Variants in KIAA1958 observed in about 807,000 individuals in gnomAD.
The protein encoded by KIAA1958 is KIAA1958, also known as uncharacterized protein KIAA1958.
Under a neutral mutation model 47.2 loss-of-function variants are expected in KIAA1958, and 14 were observed. The ratio of observed to expected loss-of-function variants is 0.30; its 90% CI spans 0.20 to 0.46. The LOEUF is 0.46. Among genes scored for constraint, KIAA1958 ranks in the 20% least tolerant of loss-of-function variants. KIAA1958 has a pLI of 1.00. For missense variants in KIAA1958, 803 were observed against 909.2 expected, an observed-to-expected ratio of 0.88 and a Z score of 1.50; for synonymous variants, 354 against 353.3, an observed-to-expected ratio of 1.00 and a Z score of -0.02.
Position 112,574,554 on chromosome 9 carries a change from T to G in KIAA1958, c.474T>G (p.Ser158Arg), listed in dbSNP as rs746362297. The change falls in exon 2 of 4, where the codon AGT becomes AGG. Residue 158 changes from serine (S) to arginine (R), a missense_variant. Ser to Arg is a moderately radical substitution (Grantham distance 110). This residue lies in a region of KIAA1958 where 761 missense variants were observed against 829.3 expected (regional missense o/e 0.92). Coordinates refer to ENST00000337530, the MANE Select transcript of KIAA1958 (RefSeq NM_133465.4). ...VCESSVTDED[S>R]DFEPQTQRPQ... ...AGTCTTCTGTTACAGATGAGGATAG[T>G]GACTTTGAACCCCAAACCCAAAGGC... 1.9e-6 allele frequency: 3 copies of G among 1,614,140 alleles called. No individual in the cohort carries two copies. The highest frequency in any genetic ancestry group is 2.5e-6 in the Non-Finnish European group (3 of 1,180,008).
At chr9:112,494,285 C>T (rs567112353) in intron 1 of KIAA1958, among the ~76,000 whole-genome samples, 1 of 151,986 alleles carries the variant, frequency 6.6e-6, no homozygotes, top group South Asian at 2.1e-4. Flanking sequence ...TTCATATTTT[C>T]ATCAATTATA....
At chr9:112,506,742 A>G (rs1834242102) in intron 1 of KIAA1958, among the ~76,000 whole-genome samples, 2 of 151,854 alleles carry the variant, frequency 1.3e-5, no homozygotes, top group Admixed American at 1.3e-4. Context: ...GGATAAATGC[A>G]GATAGAGTCT....
rs144623729 is a variant in KIAA1958, at chr9:112,509,356, A to G, written c.-25+22238A>G. On this transcript the variant is annotated intron_variant, in intron 1 of 3. Coordinates refer to ENST00000337530, the MANE Select transcript of KIAA1958 (RefSeq NM_133465.4). ...GCTGGGATTACAGGTGTGTGCCACC[A>G]TGCCCGGCTAATTTTTGTATTTTTA... 2.4e-3 allele frequency among the ~76,000 whole-genome samples: 362 copies of G among 152,214 alleles called. 2 individuals are homozygous for G. The highest frequency in any genetic ancestry group is 8.3e-3 in the African/African-American group (344 of 41,534).
intron 2 of KIAA1958, among the ~76,000 whole-genome samples, chr9:112,626,617 T>C (rs1300100518): frequency 6.6e-6 from 1 of 152,174 alleles, no homozygotes; most frequent in Non-Finnish European, 1.5e-5. Context: ...TGTAATTCTT[T>C]TATAAATCCC....
rs917759385 is a variant in KIAA1958, at chr9:112,665,896, A to G, written c.*5827A>G. ...AAAGGAGTTCCTAACTTACGCAACA[A>G]TTACATGCTCAGGTTTTTTACTTTT... On this transcript the variant is annotated 3_prime_UTR_variant, in exon 4 of 4. Coordinates refer to ENST00000337530, the MANE Select transcript of KIAA1958 (RefSeq NM_133465.4). 6 of 152,188 alleles carry G rather than the reference A, an allele frequency of 3.9e-5. No homozygotes were observed. The highest frequency in any genetic ancestry group is 7.2e-5 in the African/African-American group (3 of 41,444). 9.4% of individuals were successfully genotyped at this position (152,188 alleles called of 1,614,324 possible). A position where few individuals can be genotyped will look rare whatever the true frequency, so the allele number is the denominator to read the frequency against.
intron 2 of KIAA1958, among the ~76,000 whole-genome samples, chr9:112,602,717 C>T (rs986958383): frequency 5.9e-5 from 9 of 152,078 alleles, no homozygotes; most frequent in Admixed American, 2.0e-4. Flanking sequence ...AAGCTTCCAG[C>T]GGCCTCATAA....
chr9:112,530,905 A>T (rs536940770), intron 1 of KIAA1958, among the ~76,000 whole-genome samples: 2 of 152,198 alleles, frequency 1.3e-5, no homozygotes, highest in Non-Finnish European at 2.9e-5. Context: ...AATTCTTAAT[A>T]TGTTTGTCTC....
chr9:112,658,101 C>A (rs1268493095), intron 3 of KIAA1958, among the ~76,000 whole-genome samples: 3 of 152,174 alleles, frequency 2.0e-5, no homozygotes, highest in Admixed American at 6.5e-5. Context: ...AGGTGATCTG[C>A]CCACCTTGGC....
chr9:112,624,713 C>G (rs913285629), intron 2 of KIAA1958, among the ~76,000 whole-genome samples: 1 of 152,106 alleles, frequency 6.6e-6, no homozygotes, highest in African/African-American at 2.4e-5. Context: ...AATACACTTA[C>G]GTTGAGTTCT....
At chr9:112,519,542 A>C (rs1322413392) in intron 1 of KIAA1958, among the ~76,000 whole-genome samples, 5 of 152,196 alleles carry the variant, frequency 3.3e-5, no homozygotes, top group African/African-American at 1.2e-4. Flanking sequence ...CGTTGTTTTG[A>C]ATTATCCTTG....
chr9:112,596,734 G>A (rs181099662), intron 2 of KIAA1958, among the ~76,000 whole-genome samples: 10 of 152,222 alleles, frequency 6.6e-5, no homozygotes, highest in African/African-American at 1.9e-4. Context: ...AGAGAAGCAG[G>A]TAATTTATTA....
chr9:112,609,573 A>G (rs1283936301), intron 2 of KIAA1958, among the ~76,000 whole-genome samples: 1 of 152,086 alleles, frequency 6.6e-6, no homozygotes, highest in African/African-American at 2.4e-5. Context: ...GTTTTTTGAG[A>G]TAGGGTCTCG....
At chr9:112,611,939 G>A (rs1283345015) in intron 2 of KIAA1958, among the ~76,000 whole-genome samples, 1 of 151,612 alleles carries the variant, frequency 6.6e-6, no homozygotes, top group Non-Finnish European at 1.5e-5. Flanking sequence ...AATACATTTA[G>A]GAATTTAGCA....
chr9:112,627,846 C>T (rs1305534910), intron 2 of KIAA1958, among the ~76,000 whole-genome samples: 2 of 152,214 alleles, frequency 1.3e-5, no homozygotes, highest in Non-Finnish European at 2.9e-5. Context: ...CTTTTACATT[C>T]AGCATGTACA....
intron 2 of KIAA1958, among the ~76,000 whole-genome samples, chr9:112,608,850 G>A (rs1032838514): frequency 3.9e-5 from 6 of 152,148 alleles, no homozygotes; most frequent in African/African-American, 1.4e-4. Context: ...GCCAGCCTGG[G>A]CAATGTAGCA....
At chr9:112,646,138 C>T (rs138481125) in intron 3 of KIAA1958, among the ~76,000 whole-genome samples, 301 of 150,352 alleles carry the variant, frequency 2.0e-3, no homozygotes, top group Non-Finnish European at 3.5e-3. Context: ...TAGATGAGGA[C>T]GGGAGCCTTC....
chr9:112,604,896 T>TAA (rs1405544885), intron 2 of KIAA1958, among the ~76,000 whole-genome samples: 1 of 147,940 alleles, frequency 6.8e-6, no homozygotes, highest in South Asian at 2.1e-4. Flanking sequence ...TATATATATA[T>TAA]AATAAATATT....
At chr9:112,556,695 T>C (rs1000040225) in intron 1 of KIAA1958, among the ~76,000 whole-genome samples, 6 of 152,318 alleles carry the variant, frequency 3.9e-5, no homozygotes, top group African/African-American at 1.4e-4. Context: ...GTCAGTTTGA[T>C]TGCAATGAAA....
In KIAA1958 at chr9:112,571,634, A is replaced by G. The variant is rs2806319; in HGVS notation, c.-24-2423A>G. ...CAAAATAGCAGTCTCTGCCACACCAATTAAATATTAATAGCTATGTTAAGT... is the reference window on the plus strand; with the variant it reads ...CAAAATAGCAGTCTCTGCCACACCAGTTAAATATTAATAGCTATGTTAAGT... On this transcript the variant is annotated intron_variant, in intron 1 of 3. Coordinates refer to ENST00000337530, the MANE Select transcript of KIAA1958 (RefSeq NM_133465.4). Among the ~76,000 whole-genome samples the G allele has an allele frequency of 5.0e-3, 762 of 152,114 alleles. 5 individuals are homozygous for G. Among genetic ancestry groups the G allele is most frequent in the Non-Finnish European group, 8.9e-3 (606 of 67,974 alleles).
Sources: gnomAD v4.1 joint callset for allele counts (sites outside exome capture counted in the v4.1 genomes callset) on GRCh38, gnomAD v4.1.1 for gene constraint, gnomAD v4.1.1 regional missense constraint, MANE v1.5 for transcripts, NCBI Gene and HGNC (gene_info 2026-07-23, HGNC 2026-07-21) for gene names.